PCDHGA11: variants seen among roughly 807,000 people sequenced by gnomAD.
PCDHGA11 encodes the protein protocadherin gamma subfamily A, 11, also known as protocadherin gamma-A11.
Under a neutral mutation model 60.4 loss-of-function variants are expected in PCDHGA11, and 39 were observed. That is an observed-to-expected ratio of 0.65 (90% CI 0.50 to 0.84). PCDHGA11 has a LOEUF of 0.84. PCDHGA11 is among the 40% of genes least tolerant of loss of function. PCDHGA11 has a pLI of 0.00. For missense variants in PCDHGA11, 1,165 were observed against 1,197.7 expected, an observed-to-expected ratio of 0.97 and a Z score of 0.40; for synonymous variants, 533 against 510.3, an observed-to-expected ratio of 1.04 and a Z score of -0.60.
intron 1 of PCDHGA11, among the ~76,000 whole-genome samples, chr5:141,444,473 G>A (rs943971075): frequency 2.6e-5 from 4 of 151,972 alleles, no homozygotes; most frequent in Admixed American, 6.6e-5. Flanking sequence ...GCCCGGTCGC[G>A]TACTGGATTT....
chr5:141,432,642 C>T lies in PCDHGA11; in HGVS notation c.2433+8982C>T, dbSNP rs746251093. 7.4e-6 allele frequency: 12 copies of T among 1,613,784 alleles called. No individual in the cohort carries two copies. The highest frequency in any genetic ancestry group is 2.7e-5 in the African/African-American group (2 of 75,056). ...GGTCTGCACACGGGCGAGGTGCGCA[C>T]GGCGCGAGCCCTGCTGGACAGAGAC... On this transcript the variant is annotated intron_variant, in intron 1 of 3. Coordinates refer to ENST00000398587, the MANE Select transcript of PCDHGA11 (RefSeq NM_018914.3). This position sits in a 1 kb window ranked among gnomAD's most constrained non-coding sequence, Gnocchi z 6.0.
chr5:141,471,017 A>G (rs989277146), intron 1 of PCDHGA11, among the ~76,000 whole-genome samples: 3 of 143,850 alleles, frequency 2.1e-5, no homozygotes, highest in African/African-American at 7.8e-5. Context: ...GTGCCTGGTC[A>G]ATCATTTTTA....
rs768938171 is a variant in PCDHGA11 at position 141,487,276 on chromosome 5, C to T, written c.2434-7531C>T. ...TGGCTGTGTCCCTAGTGGCAATTTG[C>T]TTTGTCTCCTTTGGCTCATTCGTGG... On this transcript the variant is annotated intron_variant, in intron 1 of 3. Transcript: ENST00000398587. The surrounding 1 kb of genome is among the most constrained non-coding windows in gnomAD (Gnocchi z 5.0). The T allele has an allele frequency of 2.5e-6, 4 of 1,614,158 alleles. No homozygotes were observed. The East Asian group carries it at 8.9e-5, about 36-fold the overall frequency.
chr5:141,430,383 G>GAAA (rs139772145), intron 1 of PCDHGA11, among the ~76,000 whole-genome samples: 2 of 138,566 alleles, frequency 1.4e-5, no homozygotes, highest in South Asian at 4.6e-4. Flanking sequence ...AGCTCATTGG[G>GAAA]AAAAAAAAAA....
At chr5:141,498,947 AAAAG>A (rs1475471777) in intron 2 of PCDHGA11, among the ~76,000 whole-genome samples, 1 of 145,446 alleles carries the variant, frequency 6.9e-6, no homozygotes, top group African/African-American at 2.6e-5. Context: ...GAAAGAAAGA[AAAAG>A]AGAGAGAGGG....
intron 3 of PCDHGA11, among the ~76,000 whole-genome samples, chr5:141,510,531 T>C (rs1459536719): frequency 6.6e-6 from 1 of 152,078 alleles, no homozygotes; most frequent in Non-Finnish European, 1.5e-5. Context: ...CTGAGAGAAA[T>C]ACCAGCGAAT....
Position 141,511,344 on chromosome 5 carries a change from T to G in PCDHGA11, c.*171T>G, listed in dbSNP as rs2099883730. 3 of 1,419,052 alleles carry G rather than the reference T, an allele frequency of 2.1e-6. No homozygotes were observed. Among genetic ancestry groups the G allele is most frequent in the Non-Finnish European group, 2.8e-6 (3 of 1,067,404 alleles). 87.9% of individuals were successfully genotyped at this position (1,419,052 alleles called of 1,614,324 possible). On this transcript the variant is annotated 3_prime_UTR_variant, in exon 4 of 4. Coordinates refer to ENST00000398587, the MANE Select transcript of PCDHGA11 (RefSeq NM_018914.3). The stretch of plus-strand genomic sequence containing the variant: ...CAAGTGCCCAGTCAGCACCTACCCC[T>G]TCCCCCCCAGGGGGTTGAATATGCA...
At chr5:141,475,815 C>T (rs2099373124) in intron 1 of PCDHGA11, 1 of 340,648 alleles carries the variant, frequency 2.9e-6, no homozygotes, top group Non-Finnish European at 5.3e-6. Flanking sequence ...AAGTGAAGTT[C>T]CTGGCGCTAG....
rs537985555 is a variant in PCDHGA11 at position 141,449,278 on chromosome 5, C to A, written c.2433+25618C>A. On this transcript the variant is annotated intron_variant, in intron 1 of 3. Coordinates refer to ENST00000398587, the MANE Select transcript of PCDHGA11 (RefSeq NM_018914.3). ...TGTACAAAGAACTGTATCTCCTTCA[C>A]CCGGATGCACCGGGTGAATTATATG... Among the ~76,000 whole-genome samples the A allele has an allele frequency of 4.6e-5, 7 of 152,166 alleles. No homozygotes were observed. In the South Asian group the frequency reaches 1.5e-3, roughly 32 times the overall value.
In PCDHGA11 at chr5:141,493,548, G is replaced by A. The variant is rs1243278355; in HGVS notation, c.2434-1259G>A. 3.9e-5 allele frequency among the ~76,000 whole-genome samples: 6 copies of A among 152,196 alleles called. No homozygotes were observed. ...AAACTTGGCCAGTTATCCTTTTGGA[G>A]ATTGAGTTCCCCCAGCTCCGTTTCC... On this transcript the variant is annotated intron_variant, in intron 1 of 3. Coordinates refer to ENST00000398587, the MANE Select transcript of PCDHGA11 (RefSeq NM_018914.3). This position sits in a 1 kb window ranked among gnomAD's most constrained non-coding sequence, Gnocchi z 4.3.
chr5:141,489,297 G>T lies in PCDHGA11; in HGVS notation c.2434-5510G>T. On this transcript the variant is annotated intron_variant, in intron 1 of 3. Transcript: ENST00000398587. This position sits in a 1 kb window ranked among gnomAD's most constrained non-coding sequence, Gnocchi z 4.5. Reference sequence around the variant, plus strand: ...GGAAATGGCAAGTGCTGTGCATGTTGTCCTTGTGCTGCTGGGGCTGGGTGT... The same window carrying T: ...GGAAATGGCAAGTGCTGTGCATGTTTTCCTTGTGCTGCTGGGGCTGGGTGT... 1.9e-6 allele frequency: 3 copies of T among 1,583,774 alleles called. No homozygotes were observed. Among genetic ancestry groups the T allele is most frequent in the Non-Finnish European group, 8.6e-7 (1 of 1,164,904 alleles).
chr5:141,464,419 A>C (rs2099083824), intron 1 of PCDHGA11, among the ~76,000 whole-genome samples: 1 of 151,658 alleles, frequency 6.6e-6, no homozygotes, highest in Non-Finnish European at 1.5e-5. Flanking sequence ...ATATATCTAT[A>C]TATATAGATA....
chr5:141,432,940 T>C lies in PCDHGA11; in HGVS notation c.2433+9280T>C, dbSNP rs142546730. On this transcript the variant is annotated intron_variant, in intron 1 of 3. Transcript: ENST00000398587. This position sits in a 1 kb window ranked among gnomAD's most constrained non-coding sequence, Gnocchi z 6.0. ...GGCACAAGTCACGCCTGCTGCAGGC[T>C]TCAGGAGGCGGCTTGACAGGAGCGC... 6 of 1,614,208 alleles carry C rather than the reference T, an allele frequency of 3.7e-6. No individual in the cohort carries two copies. The highest frequency in any genetic ancestry group is 4.2e-6 in the Non-Finnish European group (5 of 1,180,040).
At position 141,423,537 on chromosome 5, in the gene PCDHGA11, T is replaced by A. The variant is rs201034039; in HGVS notation, c.2310T>A (p.Ile770=). 1.4e-4 allele frequency: 225 copies of A among 1,613,694 alleles called. 2 individuals carry two copies. In the South Asian group the frequency reaches 2.3e-3, roughly 16 times the overall value. The change falls in exon 1 of 4, where the codon ATT becomes ATA. Residue 770 remains isoleucine (I), a synonymous_variant. Coordinates refer to ENST00000398587, the MANE Select transcript of PCDHGA11 (RefSeq NM_018914.3). ...CGGACTCGCAGAAGAGTCACCTGAT[T>A]TTCCCCCAGCCCAACTATGGGGACA... ...LIADSQKSHL[I]FPQPNYGDTL...
chr5:141,453,930 T>G (rs944390811), intron 1 of PCDHGA11, among the ~76,000 whole-genome samples: 10 of 152,242 alleles, frequency 6.6e-5, no homozygotes, highest in Non-Finnish European at 1.0e-4. Flanking sequence ...AGTCACTGTG[T>G]GCCTATAATT....
intron 1 of PCDHGA11, 137 bp from the exon 2 acceptor site, chr5:141,494,670 C>T: frequency 6.5e-7 from 1 of 1,529,402 alleles, no homozygotes; most frequent in Non-Finnish European, 8.8e-7. Flanking sequence ...GGAGATGAGT[C>T]CACCCCTGCC....
intron 1 of PCDHGA11, chr5:141,428,040 G>A: frequency 6.2e-7 from 1 of 1,608,668 alleles, no homozygotes; most frequent in Non-Finnish European, 8.5e-7. Flanking sequence ...CGGCTACCTG[G>A]TGACCAAGGT....
chr5:141,427,928 G>A (rs1178662640), intron 1 of PCDHGA11: 2 of 1,583,504 alleles, frequency 1.3e-6, no homozygotes. Flanking sequence ...GCCGGCGCAT[G>A]TTGGTGGGCG....
intron 1 of PCDHGA11, among the ~76,000 whole-genome samples, chr5:141,447,375 T>C (rs1431576261): frequency 6.6e-6 from 1 of 152,030 alleles, no homozygotes; most frequent in African/African-American, 2.4e-5. Context: ...CTGACCCTGG[T>C]GATCTGCCCA....
Sources: allele counts gnomAD v4.1 joint callset (sites outside exome capture counted in the v4.1 genomes callset), GRCh38; gene constraint gnomAD v4.1.1; non-coding constraint Gnocchi (gnomAD v3.1); transcripts MANE v1.5; gene names NCBI Gene and HGNC (gene_info 2026-07-23, HGNC 2026-07-21).